The following BARX2 variants were observed in gnomAD, a reference collection of about 807,000 sequenced individuals.
BARX2 encodes homeobox protein BarH-like 2.
In BARX2, 11 loss-of-function variants were observed where a neutral mutation model predicts 25.5. The observed-to-expected ratio is 0.43, with a 90% CI of 0.27 to 0.71. The LOEUF is 0.71. Ranked by LOEUF, BARX2 falls within the 30% of genes least tolerant of loss-of-function variation. The pLI is 0.19. For missense variants in BARX2, 360 were observed against 359.9 expected, an observed-to-expected ratio of 1.00 and a Z score of 0.00; for synonymous variants, 137 against 149.5, an observed-to-expected ratio of 0.92 and a Z score of 0.61.
chr11:129,418,355 TG>T (rs1401643647), intron 1 of BARX2, among the ~76,000 whole-genome samples: 1 of 152,174 alleles, frequency 6.6e-6, no homozygotes, highest in East Asian at 1.9e-4. Context: ...GACTTGGTAA[TG>T]GGGTCATTAT....
At chr11:129,380,016 A>T (rs7108298) in intron 1 of BARX2, among the ~76,000 whole-genome samples, 61 of 151,444 alleles carry the variant, frequency 4.0e-4, no homozygotes, top group African/African-American at 1.5e-3. Context: ...AGAGCTGGAG[A>T]GGCTCATAAA....
Position 129,442,828 on chromosome 11 carries a change from C to T in BARX2, c.489-7C>T, listed in dbSNP as rs776021147. On this transcript the variant is annotated splice_region_variant and splice_polypyrimidine_tract_variant and intron_variant, in intron 2 of 3. Transcript: ENST00000281437. ...CTCACCTTTCCTTTGTATCTTGTGC[C>T]TTCTAGGTTGGACTTGGCTCAGTCT... 1 of 1,612,040 alleles carries T rather than the reference C, an allele frequency of 6.2e-7. No homozygotes were observed. The highest frequency in any genetic ancestry group is 1.7e-5 in the Admixed American group (1 of 60,006).
chr11:129,411,994 C>T (rs929872751), intron 1 of BARX2, among the ~76,000 whole-genome samples: 3 of 152,052 alleles, frequency 2.0e-5, no homozygotes, highest in Non-Finnish European at 4.4e-5. Context: ...AGTTTATGGC[C>T]GGGCACGGTG....
intron 1 of BARX2, among the ~76,000 whole-genome samples, chr11:129,431,758 G>A (rs1252653865): frequency 6.6e-6 from 1 of 152,056 alleles, no homozygotes; most frequent in African/African-American, 2.4e-5. Context: ...CTTTTACAGA[G>A]CAAAAATTGT....
intron 1 of BARX2, among the ~76,000 whole-genome samples, chr11:129,391,680 T>C (rs1435089115): frequency 6.6e-6 from 1 of 152,226 alleles, no homozygotes; most frequent in Non-Finnish European, 1.5e-5. Flanking sequence ...GAGATCAGGC[T>C]CTGGGCTTTA....
Position 129,385,553 on chromosome 11 carries a change from G to A in BARX2, c.187+9331G>A, listed in dbSNP as rs141053768. 6.8e-4 allele frequency among the ~76,000 whole-genome samples: 103 copies of A among 152,272 alleles called. No homozygotes were observed. In the Middle Eastern group the frequency reaches 0.01, roughly 15 times the overall value. On this transcript the variant is annotated intron_variant, in intron 1 of 3. Coordinates refer to ENST00000281437, the MANE Select transcript of BARX2 (RefSeq NM_003658.5). ...AAAAAGTTGTAGATTGATACTTACT[G>A]TCTGATACCATTTATTTAAATGGTT...
At chr11:129,432,121 G>A (rs1389226351) in intron 1 of BARX2, among the ~76,000 whole-genome samples, 4 of 151,972 alleles carry the variant, frequency 2.6e-5, no homozygotes, top group African/African-American at 9.7e-5. Flanking sequence ...TGAGTGCAGT[G>A]GCATGATCTC....
intron 1 of BARX2, among the ~76,000 whole-genome samples, chr11:129,386,803 A>G (rs552592747): frequency 1.3e-5 from 2 of 152,358 alleles, no homozygotes; most frequent in East Asian, 3.8e-4. Context: ...TCCAAAGGGA[A>G]AGTATTAGTG....
intron 3 of BARX2, among the ~76,000 whole-genome samples, chr11:129,448,264 G>A (rs180970542): frequency 1.6e-4 from 25 of 152,288 alleles, no homozygotes; most frequent in Non-Finnish European, 5.9e-5. Flanking sequence ...AAAAGCACAA[G>A]CAACAGAAGA....
rs867783826 is a variant in BARX2, at chr11:129,407,210, C to A, written c.188-29541C>A. 3.9e-5 allele frequency among the ~76,000 whole-genome samples: 6 copies of A among 152,314 alleles called. No individual in the cohort carries two copies. The East Asian group carries it at 9.7e-4, about 25-fold the overall frequency. ...GCTTGAATACGGCTGGTGGAGAGGA[C>A]AGCTTCCTATAACCCTACTCAGTCA... On this transcript the variant is annotated intron_variant, in intron 1 of 3. Transcript: ENST00000281437.
At chr11:129,417,747 G>C (rs941288390) in intron 1 of BARX2, among the ~76,000 whole-genome samples, 1 of 152,216 alleles carries the variant, frequency 6.6e-6, no homozygotes, top group East Asian at 1.9e-4. Context: ...TGCTAGTCCA[G>C]AGTTCCTCTG....
chr11:129,442,966 T>C, intron 3 of BARX2, 47 bp downstream of exon 3: 1 of 1,540,754 alleles, frequency 6.5e-7, no homozygotes, highest in Non-Finnish European at 9.0e-7. Context: ...TGGGAAGGAC[T>C]TTTACTCCAG....
chr11:129,417,223 A>G (rs1363059413), intron 1 of BARX2, among the ~76,000 whole-genome samples: 1 of 152,016 alleles, frequency 6.6e-6, no homozygotes, highest in East Asian at 1.9e-4. Flanking sequence ...TTTTATTTTA[A>G]AAGATATTAC....
At chr11:129,433,632 G>A (rs894530482) in intron 1 of BARX2, among the ~76,000 whole-genome samples, 1 of 152,156 alleles carries the variant, frequency 6.6e-6, no homozygotes, top group African/African-American at 2.4e-5. Context: ...GGCTTTGCCT[G>A]TGCTGGTTCT....
intron 1 of BARX2, among the ~76,000 whole-genome samples, chr11:129,382,807 G>C (rs931168169): frequency 1.3e-5 from 2 of 152,120 alleles, no homozygotes; most frequent in Admixed American, 6.5e-5. Context: ...ACTTGCTAAA[G>C]CCCACAGGTG....
intron 2 of BARX2, among the ~76,000 whole-genome samples, chr11:129,442,473 G>GT (rs1862273134): frequency 6.6e-6 from 1 of 152,206 alleles, no homozygotes; most frequent in Admixed American, 6.5e-5. Context: ...TTTGCCTTTT[G>GT]TTTCCAGTCT....
intron 1 of BARX2, among the ~76,000 whole-genome samples, chr11:129,396,730 C>T (rs1221089244): frequency 1.3e-5 from 2 of 152,070 alleles, no homozygotes; most frequent in Non-Finnish European, 2.9e-5. Flanking sequence ...ATAGAATATG[C>T]TGGAATTTGA....
chr11:129,378,127 G>A (rs76547025), intron 1 of BARX2, among the ~76,000 whole-genome samples: 3,995 of 152,288 alleles, frequency 0.026, 164 homozygotes, highest in African/African-American at 0.088. Flanking sequence ...CTGATGGTTC[G>A]TGGTAGAGGG....
chr11:129,420,403 C>T (rs991838115), intron 1 of BARX2, among the ~76,000 whole-genome samples: 6 of 152,234 alleles, frequency 3.9e-5, no homozygotes, highest in Middle Eastern at 3.2e-3. Context: ...ACAGAACACT[C>T]GTTTTCTCTC....
Sources: gnomAD v4.1 joint callset for allele counts (sites outside exome capture counted in the v4.1 genomes callset) on GRCh38, gnomAD v4.1.1 for gene constraint, MANE v1.5 for transcripts, NCBI Gene and HGNC (gene_info 2026-07-23, HGNC 2026-07-21) for gene names.